PCDH15: variants seen among roughly 807,000 people sequenced by gnomAD.
PCDH15 encodes protocadherin related 15.
Under a neutral mutation model 178.5 loss-of-function variants are expected in PCDH15, and 129 were observed. The ratio of observed to expected loss-of-function variants is 0.72; its 90% CI spans 0.63 to 0.84. The LOEUF is 0.84. PCDH15 is among the 40% of genes least tolerant of loss of function. The pLI is 0.00. For synonymous variants in PCDH15, 800 were observed against 732.0 expected (o/e 1.09, Z -1.50); for missense variants, 2,230 against 2,099.9 (o/e 1.06, Z -1.21).
intron 2 of PCDH15, among the ~76,000 whole-genome samples, chr10:55,353,799 A>G (rs1395868067): frequency 1.3e-5 from 2 of 152,084 alleles, no homozygotes; most frequent in African/African-American, 4.8e-5. Context: ...GTGCCTAAAT[A>G]TCTACGATTG....
intron 1 of PCDH15, among the ~76,000 whole-genome samples, chr10:54,787,063 T>A (rs1460907391): frequency 6.6e-6 from 1 of 151,864 alleles, no homozygotes; most frequent in Non-Finnish European, 1.5e-5. Flanking sequence ...TTTGAAGGTA[T>A]CATCTTTAGA....
intron 18 of PCDH15, among the ~76,000 whole-genome samples, chr10:54,060,037 C>T (rs2093981175): frequency 6.6e-6 from 1 of 152,162 alleles, no homozygotes; most frequent in Non-Finnish European, 1.5e-5. Flanking sequence ...ATCAGGATCG[C>T]AACCATGAGC....
At chr10:55,580,295 C>T (rs749276208) in intron 2 of PCDH15, among the ~76,000 whole-genome samples, 10 of 151,924 alleles carry the variant, frequency 6.6e-5, no homozygotes, top group Non-Finnish European at 1.2e-4. Flanking sequence ...ATTCATATAA[C>T]TCACCCATAT....
rs531918446 is a variant in PCDH15 at position 54,948,815 on chromosome 10, A to C, written c.-79-51315T>G. ...ACTAATACACTTAGTTCAATGATTA[A>C]AATGTCAATATCATCCAGAAACACC... is the stretch of plus-strand genomic sequence containing the variant. On this transcript the variant is annotated intron_variant, in intron 2 of 5. Coordinates refer to the PCDH15 transcript ENST00000458638. Among the ~76,000 whole-genome samples, 10 of 151,972 alleles carry C rather than the reference A, an allele frequency of 6.6e-5. No homozygotes were observed. In the South Asian group the frequency reaches 1.9e-3, roughly 28 times the overall value.
chr10:53,828,518 T>G, intron 31 of PCDH15, 47 bp downstream of exon 31: 1 of 1,480,472 alleles, frequency 6.8e-7, no homozygotes, highest in East Asian at 2.3e-5. Flanking sequence ...CGGGTTTCTC[T>G]TTTCCTATTA....
intron 2 of PCDH15, among the ~76,000 whole-genome samples, chr10:54,531,713 A>C (rs1589931023): frequency 6.6e-6 from 1 of 152,274 alleles, no homozygotes; most frequent in African/African-American, 2.4e-5. Flanking sequence ...TTAACATAGT[A>C]ATTGCCCTTA....
chr10:55,556,885 T>C (rs1212158728), intron 2 of PCDH15, among the ~76,000 whole-genome samples: 1 of 152,154 alleles, frequency 6.6e-6, no homozygotes, highest in East Asian at 1.9e-4. Context: ...ACTAGTAAAG[T>C]TGAATATTCA....
chr10:55,052,913 A>G (rs1841202209), intron 2 of PCDH15, among the ~76,000 whole-genome samples: 2 of 152,158 alleles, frequency 1.3e-5, no homozygotes, highest in Non-Finnish European at 2.9e-5. Context: ...ACTCAGGCTG[A>G]CATAGAATGA....
chr10:54,501,296 G>T (rs371543402), intron 3 of PCDH15, among the ~76,000 whole-genome samples: 2 of 151,252 alleles, frequency 1.3e-5, no homozygotes, highest in Admixed American at 6.6e-5. Flanking sequence ...ACACTTTCAC[G>T]TTGGATATCC....
chr10:54,797,188 C>T (rs1212289941), intron 1 of PCDH15, among the ~76,000 whole-genome samples: 1 of 151,972 alleles, frequency 6.6e-6, no homozygotes, highest in Non-Finnish European at 1.5e-5. Context: ...CTGCCATGGC[C>T]TGAGAATGCT....
Position 55,038,705 on chromosome 10 carries a change from G to A in PCDH15, c.-80+127871C>T, listed in dbSNP as rs140817996. 1.2e-3 allele frequency among the ~76,000 whole-genome samples: 190 copies of A among 152,234 alleles called. 1 individual carries two copies. The highest frequency in any genetic ancestry group is 4.3e-3 in the African/African-American group (178 of 41,546). ...GTAGTAATGATCACCACTGTTGAGT[G>A]GCATGTCCATCCAATTTGGGTGGTG... On this transcript the variant is annotated intron_variant, in intron 2 of 5. Coordinates refer to the PCDH15 transcript ENST00000458638.
At chr10:55,294,157 CT>C (rs1564977788) in intron 1 of PCDH15, among the ~76,000 whole-genome samples, 1 of 152,080 alleles carries the variant, frequency 6.6e-6, no homozygotes, top group Admixed American at 6.6e-5. Flanking sequence ...GAAACTCCCC[CT>C]TATAAAACCA....
chr10:53,995,880 C>T, intron 20 of PCDH15, 115 bp from the exon 21 acceptor site: 1 of 923,812 alleles, frequency 1.1e-6, no homozygotes, highest in South Asian at 1.4e-5. Context: ...GTCAGCCTTC[C>T]ATCCTCTCAA....
intron 21 of PCDH15, among the ~76,000 whole-genome samples, chr10:53,970,196 C>G (rs1475931763): frequency 6.6e-6 from 1 of 151,956 alleles, no homozygotes; most frequent in Admixed American, 6.6e-5. Context: ...AAAAAAATAG[C>G]AGGGGTTGCA....
At chr10:55,259,422 G>C (rs1842092239) in intron 1 of PCDH15, among the ~76,000 whole-genome samples, 1 of 152,178 alleles carries the variant, frequency 6.6e-6, no homozygotes, top group Non-Finnish European at 1.5e-5. Context: ...AAGGGACAGG[G>C]AGTGGTTAAC....
At chr10:54,852,889 T>TAAAA (rs1953650024) in intron 3 of PCDH15, among the ~76,000 whole-genome samples, 1 of 109,712 alleles carries the variant, frequency 9.1e-6, no homozygotes, top group African/African-American at 3.7e-5. Context: ...ATAAAATAAA[T>TAAAA]TAAAATAAAA....
intron 2 of PCDH15, among the ~76,000 whole-genome samples, chr10:55,536,590 T>C (rs1032602478): frequency 5.9e-5 from 9 of 152,142 alleles, no homozygotes; most frequent in Non-Finnish European, 2.9e-5. Context: ...TACAAGCATT[T>C]GGAAAAAAGC....
chr10:55,467,797 C>T (rs1839863664), intron 2 of PCDH15, among the ~76,000 whole-genome samples: 1 of 151,278 alleles, frequency 6.6e-6, no homozygotes, highest in African/African-American at 2.4e-5. Context: ...AACCCCGTCT[C>T]TACTAAAAAT....
At chr10:55,116,124 A>G (rs1837622853) in intron 2 of PCDH15, among the ~76,000 whole-genome samples, 1 of 152,162 alleles carries the variant, frequency 6.6e-6, no homozygotes, top group South Asian at 2.1e-4. Context: ...AATGGACATT[A>G]TGATAGGATA....
Sources: allele counts gnomAD v4.1 joint callset (sites outside exome capture counted in the v4.1 genomes callset), GRCh38; gene constraint gnomAD v4.1.1; transcripts MANE v1.5; gene names NCBI Gene and HGNC (gene_info 2026-07-23, HGNC 2026-07-21).